EMC7: variants seen among roughly 807,000 people sequenced by gnomAD.
The protein encoded by EMC7 is ER membrane protein complex subunit 7, also known as endoplasmic reticulum membrane protein complex subunit 7.
In EMC7, 4 loss-of-function variants were observed where a neutral mutation model predicts 24.4. The ratio of observed to expected loss-of-function variants is 0.16; its 90% CI spans 0.08 to 0.38. EMC7 has a LOEUF of 0.38. Among genes scored for constraint, EMC7 ranks in the 10% least tolerant of loss-of-function variants. The pLI, the probability that EMC7 is intolerant of heterozygous loss-of-function variation, is 1.00. For missense variants in EMC7, 221 were observed against 300.6 expected, an observed-to-expected ratio of 0.74 and a Z score of 1.96; for synonymous variants, 106 against 112.0, an observed-to-expected ratio of 0.95 and a Z score of 0.34.
chr15:34,097,284 C>T (rs1035781804), intron 1 of EMC7, among the ~76,000 whole-genome samples: 4 of 152,100 alleles, frequency 2.6e-5, no homozygotes, highest in Non-Finnish European at 5.9e-5. Context: ...CCGCCCGCCT[C>T]GGCCTCCCAA....
intron 2 of EMC7, among the ~76,000 whole-genome samples, chr15:34,095,572 A>G (rs1901051865): frequency 6.6e-6 from 1 of 152,352 alleles, no homozygotes. Context: ...CTAATTTAGA[A>G]AAGTTAAATT....
intron 2 of EMC7, among the ~76,000 whole-genome samples, chr15:34,092,349 A>G (rs1344005639): frequency 6.6e-6 from 1 of 150,946 alleles, no homozygotes; most frequent in African/African-American, 2.4e-5. Flanking sequence ...CACACCCCCA[A>G]TTATTTTTTA....
At chr15:34,095,506 G>T (rs1901050741) in intron 2 of EMC7, among the ~76,000 whole-genome samples, 1 of 152,160 alleles carries the variant, frequency 6.6e-6, no homozygotes, top group Non-Finnish European at 1.5e-5. Context: ...TATCAAATAG[G>T]TAATAAGAGG....
At chr15:34,094,570 C>G (rs1252855133) in intron 2 of EMC7, among the ~76,000 whole-genome samples, 1 of 151,800 alleles carries the variant, frequency 6.6e-6, no homozygotes, top group Admixed American at 6.6e-5. Context: ...GGCATGGTGG[C>G]GTGCAGCTGT....
intron 2 of EMC7, among the ~76,000 whole-genome samples, chr15:34,091,952 T>C (rs890249554): frequency 1.3e-5 from 2 of 152,228 alleles, no homozygotes; most frequent in Non-Finnish European, 2.9e-5. Context: ...TAATTTATCA[T>C]GCATGCTGCA....
In EMC7 at chr15:34,101,688, G is replaced by A. The variant is rs747791884; in HGVS notation, c.152C>T (p.Ala51Val). The stretch of plus-strand genomic sequence containing the variant: ...CTGAGGCTTCACCCCTGGAACAACT[G>A]CACGCCCCTCAATCTTGAAGCGATC... Reference protein sequence around the residue: ...IGDRFKIEGRAVVPGVKPQDW... With the variant: ...IGDRFKIEGRVVVPGVKPQDW... Residue 51 changes from alanine to valine, a missense_variant, in exon 1 of 5, where the codon GCA (alanine) becomes GTA (valine). This residue lies in a region of EMC7 where 156 missense variants were observed against 177.1 expected (regional missense o/e 0.88). Transcript: ENST00000256545. 1.2e-6 allele frequency: 2 copies of A among 1,613,256 alleles called. No homozygotes were observed. The highest frequency in any genetic ancestry group is 2.2e-5 in the South Asian group (2 of 90,986).
At chr15:34,094,041 G>C (rs1386584664) in intron 2 of EMC7, among the ~76,000 whole-genome samples, 1 of 151,062 alleles carries the variant, frequency 6.6e-6, no homozygotes, top group African/African-American at 2.4e-5. Context: ...CTACAAAGTA[G>C]GGGGGAAAAG....
At chr15:34,097,719 T>TAACTGATACTGATGATATCCACAACAC (rs1231127924) in intron 1 of EMC7, among the ~76,000 whole-genome samples, 3 of 152,176 alleles carry the variant, frequency 2.0e-5, no homozygotes, top group Non-Finnish European at 4.4e-5. Context: ...GTTAAAGGAA[T>TAACTGATACTGATGATATCCACAACAC]AACTGATACT....
At chr15:34,091,937 A>C (rs1209963925) in intron 2 of EMC7, among the ~76,000 whole-genome samples, 1 of 152,204 alleles carries the variant, frequency 6.6e-6, no homozygotes. Context: ...ACATATATTC[A>C]AAACTAATTT....
chr15:34,100,524 A>C (rs1032443364), intron 1 of EMC7: 7 of 152,190 alleles, frequency 4.6e-5, no homozygotes, highest in Non-Finnish European at 7.4e-5. Context: ...AAACATCATT[A>C]ATTAGGGTAA....
At chr15:34,088,015 T>TAA (rs377063587) in intron 4 of EMC7, 38 bp downstream of exon 4, 44 of 1,360,320 alleles carry the variant, frequency 3.2e-5, no homozygotes, top group East Asian at 2.7e-4. Context: ...CTCTATCTCT[T>TAA]AAAAAAAAAA....
At chr15:34,091,957 G>A (rs1900979266) in intron 2 of EMC7, among the ~76,000 whole-genome samples, 1 of 152,148 alleles carries the variant, frequency 6.6e-6, no homozygotes, top group African/African-American at 2.4e-5. Context: ...TATCATGCAT[G>A]CTGCATGCTT....
chr15:34,084,526 G>A lies in EMC7; in HGVS notation c.577-40C>T, dbSNP rs756218873. On this transcript the variant is annotated intron_variant, in intron 4 of 4. Transcript: ENST00000256545. ...GGCACAATGATATGTAGGATCCTTC[G>A]AGTCTTTTAACTCCTAACACTTCCT... 25 of 1,588,750 alleles carry A rather than the reference G, an allele frequency of 1.6e-5. No homozygotes were observed. In the East Asian group the frequency reaches 1.8e-4, roughly 11 times the overall value.
rs1268057076 is a variant in EMC7 at position 34,093,833 on chromosome 15, T to A, written c.356+2062A>T. Among the ~76,000 whole-genome samples the A allele has an allele frequency of 3.5e-4, 18 of 52,016 alleles. 1 individual carries two copies. The highest frequency in any genetic ancestry group is 9.8e-4 in the African/African-American group (15 of 15,312). The allele number at this position is 52,016 out of a possible 152,430, so 34.1% of individuals were successfully genotyped here. ...TATATATATATATATATTTTTTTTT[T>A]TTTTTTTTTTGAGACAGGATCTTGC... is the stretch of plus-strand genomic sequence containing the variant. On this transcript the variant is annotated intron_variant, in intron 2 of 4. Coordinates refer to ENST00000256545, the MANE Select transcript of EMC7 (RefSeq NM_020154.3).
chr15:34,093,823 A>ATATATATATATATTTTTTT (rs1190830993), intron 2 of EMC7, among the ~76,000 whole-genome samples: 1 of 48,704 alleles, frequency 2.1e-5, no homozygotes, highest in African/African-American at 1.1e-4. Flanking sequence ...ATATATATAT[A>ATATATATATATATTTTTTT]TTTTTTTTTT....
chr15:34,088,226 A>T (rs1383386921), intron 3 of EMC7, 93 bp from the exon 4 acceptor site: 1 of 1,090,332 alleles, frequency 9.2e-7, no homozygotes, highest in Non-Finnish European at 1.3e-6. Context: ...AAAATTAAAG[A>T]TTTAAACGTT....
chr15:34,095,261 G>A (rs1046787085), intron 2 of EMC7, among the ~76,000 whole-genome samples: 1 of 152,186 alleles, frequency 6.6e-6, no homozygotes, highest in African/African-American at 2.4e-5. Context: ...CTATTGCCAT[G>A]AGACAACAAA....
intron 2 of EMC7, among the ~76,000 whole-genome samples, chr15:34,091,387 T>C (rs1235783975): frequency 2.0e-5 from 3 of 152,224 alleles, no homozygotes; most frequent in African/African-American, 7.2e-5. Flanking sequence ...GTAGACTTTA[T>C]TTACCTTTAT....
intron 1 of EMC7, among the ~76,000 whole-genome samples, chr15:34,099,026 G>A (rs1184583867): frequency 6.6e-6 from 1 of 152,020 alleles, no homozygotes; most frequent in Admixed American, 6.6e-5. Flanking sequence ...ATATTTTTGA[G>A]AAAACTGAGG....
Sources: allele counts gnomAD v4.1 joint callset (sites outside exome capture counted in the v4.1 genomes callset), GRCh38; gene constraint gnomAD v4.1.1; regional missense constraint gnomAD v4.1.1; transcripts MANE v1.5; gene names NCBI Gene and HGNC (gene_info 2026-07-23, HGNC 2026-07-21).